LIMK2: variants seen among roughly 807,000 people sequenced by gnomAD.
The protein encoded by LIMK2 is LIM domain kinase 2.
Under a neutral mutation model 75.7 loss-of-function variants are expected in LIMK2, and 35 were observed. That is an observed-to-expected ratio of 0.46 (90% CI 0.35 to 0.61). The LOEUF (loss-of-function observed/expected upper bound fraction) is 0.61, where lower values mean the gene tolerates loss of function less well. LIMK2 is among the 20% of genes least tolerant of loss of function. The pLI, the probability that LIMK2 is intolerant of heterozygous loss-of-function variation, is 0.00. For synonymous variants in LIMK2, 301 were observed against 319.2 expected (o/e 0.94, Z 0.61); for missense variants, 623 against 831.0 (o/e 0.75, Z 3.08).
At chr22:31,275,916 T>C (rs1295868249) in intron 15 of LIMK2, among the ~76,000 whole-genome samples, 1 of 152,196 alleles carries the variant, frequency 6.6e-6, no homozygotes, top group African/African-American at 2.4e-5. Context: ...AAAGTTACCC[T>C]AGGTCTTTTC....
At chr22:31,248,218 C>T (rs2048688900) in intron 2 of LIMK2, 2 of 535,736 alleles carry the variant, frequency 3.7e-6, no homozygotes, top group Non-Finnish European at 5.8e-6. Flanking sequence ...TGCCTGCAGC[C>T]TCGATCCAGC....
intron 2 of LIMK2, among the ~76,000 whole-genome samples, chr22:31,230,498 C>T (rs1012429595): frequency 1.3e-5 from 2 of 152,146 alleles, no homozygotes; most frequent in Admixed American, 6.5e-5. Context: ...ATGGCCCCAG[C>T]GTGGGTCTCT....
intron 2 of LIMK2, among the ~76,000 whole-genome samples, chr22:31,228,644 T>C (rs2048499218): frequency 6.6e-6 from 1 of 151,818 alleles, no homozygotes. Flanking sequence ...TAGAAAACTC[T>C]TAATAGGGCC....
Position 31,258,422 on chromosome 22 carries a change from T to C in LIMK2, c.248T>C (p.Phe83Ser), listed in dbSNP as rs1228021091. 1 of 1,614,050 alleles carries C rather than the reference T, an allele frequency of 6.2e-7. No individual in the cohort carries two copies. Among genetic ancestry groups the C allele is most frequent in the South Asian group, 1.1e-5 (1 of 91,076 alleles). ...TGCTCCCTGCTGATGACAGGGCCTTTTATGGTGAGTGAATCCCTTCATATC... is the reference window on the plus strand; with the variant it reads ...TGCTCCCTGCTGATGACAGGGCCTTCTATGGTGAGTGAATCCCTTCATATC... The part of the protein sequence containing the change: ...HGCSLLMTGP[F>S]MVAGEFKYHP... Residue 83 changes from phenylalanine to serine, a missense_variant, in exon 3 of 16, where the codon TTT becomes TCT. By Grantham distance (155) the Phe-to-Ser change is radical. This residue lies in a region of LIMK2 where 514 missense variants were observed against 661.3 expected (regional missense o/e 0.78). Coordinates refer to ENST00000331728, the MANE Select transcript of LIMK2 (RefSeq NM_005569.4).
At chr22:31,255,755 A>T (rs1055056739) in intron 2 of LIMK2, among the ~76,000 whole-genome samples, 3 of 152,166 alleles carry the variant, frequency 2.0e-5, no homozygotes, top group African/African-American at 7.2e-5. Context: ...AGTTATAATA[A>T]TGCACTTGCC....
At chr22:31,231,386 A>T (rs1433381758) in intron 2 of LIMK2, among the ~76,000 whole-genome samples, 1 of 152,206 alleles carries the variant, frequency 6.6e-6, no homozygotes, top group Non-Finnish European at 1.5e-5. Flanking sequence ...CACACTTACT[A>T]ACCTAAACCT....
chr22:31,276,722 G>C, intron 15 of LIMK2: 1 of 1,448,326 alleles, frequency 6.9e-7, no homozygotes, highest in Non-Finnish European at 9.1e-7. Flanking sequence ...GGGGCGCGGC[G>C]TTGGCGGCCC....
At chr22:31,249,632 G>T (rs568257528) in intron 2 of LIMK2, among the ~76,000 whole-genome samples, 2 of 152,264 alleles carry the variant, frequency 1.3e-5, no homozygotes, top group East Asian at 3.9e-4. Flanking sequence ...GGAGCAGCCT[G>T]TTGTTCCAAA....
chr22:31,229,415 A>G (rs566446419), intron 2 of LIMK2, among the ~76,000 whole-genome samples: 1 of 152,260 alleles, frequency 6.6e-6, no homozygotes, highest in East Asian at 1.9e-4. Context: ...CCCCAGAGAT[A>G]ACCTGGGTTT....
intron 9 of LIMK2, 48 bp downstream of exon 9, chr22:31,267,118 G>C (rs769859868): frequency 9.5e-7 from 1 of 1,051,248 alleles, no homozygotes; most frequent in Non-Finnish European, 1.4e-6. Context: ...CATTGGAAGA[G>C]AGAAGACCTT....
chr22:31,228,442 G>A (rs532045445), intron 2 of LIMK2, among the ~76,000 whole-genome samples: 3 of 152,026 alleles, frequency 2.0e-5, no homozygotes, highest in East Asian at 1.9e-4. Context: ...ACCACCAAGA[G>A]TACAGGCTAT....
At chr22:31,229,334 T>C (rs919113395) in intron 2 of LIMK2, among the ~76,000 whole-genome samples, 4 of 152,152 alleles carry the variant, frequency 2.6e-5, no homozygotes, top group Non-Finnish European at 4.4e-5. Flanking sequence ...TGACTGTCTT[T>C]TGGATCTAAT....
At chr22:31,240,442 T>C (rs998044361) in intron 2 of LIMK2, among the ~76,000 whole-genome samples, 8 of 151,632 alleles carry the variant, frequency 5.3e-5, no homozygotes, top group Non-Finnish European at 1.2e-4. Flanking sequence ...TTTTTTTTTT[T>C]GAGTTGGAGT....
intron 11 of LIMK2, among the ~76,000 whole-genome samples, chr22:31,269,870 A>G (rs2048937892): frequency 6.6e-6 from 1 of 151,914 alleles, no homozygotes; most frequent in East Asian, 1.9e-4. Flanking sequence ...CTAATGAAAC[A>G]TTTCAAATTT....
chr22:31,275,353 G>A lies in LIMK2; in HGVS notation c.1772+45G>A, dbSNP rs774884734. ...CTCCCAGCTCACAGGGTCCTGGGAC[G>A]TTTGCCTCTGTCTAAGGCCACCCCT... On this transcript the variant is annotated intron_variant, in intron 15 of 15. Coordinates refer to ENST00000331728, the MANE Select transcript of LIMK2 (RefSeq NM_005569.4). 1.7e-5 allele frequency: 28 copies of A among 1,602,692 alleles called. No individual in the cohort carries two copies. In the African/African-American group the frequency reaches 2.8e-4, roughly 16 times the overall value.
intron 3 of LIMK2, chr22:31,258,821 TA>T (rs2084171932): frequency 2.4e-6 from 1 of 422,492 alleles, no homozygotes; most frequent in South Asian, 2.6e-5. Context: ...CAAACGACTT[TA>T]AGCATAGTGA....
At chr22:31,255,734 A>C (rs2048771692) in intron 2 of LIMK2, among the ~76,000 whole-genome samples, 1 of 152,200 alleles carries the variant, frequency 6.6e-6, no homozygotes, top group African/African-American at 2.4e-5. Flanking sequence ...TTATATCTGC[A>C]GTGCTTAGCA....
rs57281983 is a variant in LIMK2 at position 31,274,001 on chromosome 22, GTT to G, written c.1614+512_1614+513del. On this transcript the variant is annotated intron_variant, in intron 14 of 15. Transcript: ENST00000331728. The stretch of plus-strand genomic sequence containing the variant: ...GGCGTGAGCTACCTCGCCCGGCCAG[GTT>G]TTTTTTTTTTTTTTTTTAGTTGAGG... Among the ~76,000 whole-genome samples, 144 of 139,404 alleles carry G rather than the reference GTT, an allele frequency of 1.0e-3. 1 individual carries two copies. In the East Asian group the frequency reaches 0.014, roughly 14 times the overall value. The allele number at this position is 139,404 out of a possible 152,430, so 91.5% of individuals were successfully genotyped here. A position where few individuals can be genotyped will look rare whatever the true frequency, so the allele number is the denominator to read the frequency against.
chr22:31,228,847 G>A (rs1333198678), intron 2 of LIMK2, among the ~76,000 whole-genome samples: 3 of 152,076 alleles, frequency 2.0e-5, no homozygotes, highest in African/African-American at 7.2e-5. Context: ...GGAAGCTGAG[G>A]AGCGATGATT....
Sources: gnomAD v4.1 joint callset for allele counts (sites outside exome capture counted in the v4.1 genomes callset) on GRCh38, gnomAD v4.1.1 for gene constraint, gnomAD v4.1.1 regional missense constraint, MANE v1.5 for transcripts, NCBI Gene and HGNC (gene_info 2026-07-23, HGNC 2026-07-21) for gene names.